SUSD6: variants seen among roughly 807,000 people sequenced by gnomAD.
SUSD6 encodes sushi domain-containing protein 6.
A neutral mutation model predicts 28.4 loss-of-function variants in SUSD6; 16 were observed. The ratio of observed to expected loss-of-function variants is 0.56; its 90% CI spans 0.38 to 0.86. The LOEUF (loss-of-function observed/expected upper bound fraction) is 0.86. SUSD6 is among the 40% of genes least tolerant of loss of function. The pLI is 0.00. For missense variants in SUSD6, 341 were observed against 384.2 expected (o/e 0.89, Z 0.94); for synonymous variants, 147 against 159.6 (o/e 0.92, Z 0.59).
At chr14:69,636,279 G>A (rs919853130) in intron 1 of SUSD6, among the ~76,000 whole-genome samples, 1 of 152,230 alleles carries the variant, frequency 6.6e-6, no homozygotes, top group Non-Finnish European at 1.5e-5. Context: ...GGAGGTGACA[G>A]TAAGGGCAGC....
At chr14:69,625,996 C>G (rs748508677) in intron 1 of SUSD6, among the ~76,000 whole-genome samples, 1 of 152,180 alleles carries the variant, frequency 6.6e-6, no homozygotes, top group Non-Finnish European at 1.5e-5. Context: ...GTTCCACCTG[C>G]TCCCAGAACA....
chr14:69,635,064 T>C (rs899856421), intron 1 of SUSD6, among the ~76,000 whole-genome samples: 1 of 152,188 alleles, frequency 6.6e-6, no homozygotes, highest in African/African-American at 2.4e-5. Context: ...ATGATGATGA[T>C]GACGACGATG....
chr14:69,696,604 G>A (rs1376843477), intron 2 of SUSD6, among the ~76,000 whole-genome samples: 1 of 152,146 alleles, frequency 6.6e-6, no homozygotes, highest in Admixed American at 6.5e-5. Context: ...CACATCTTCA[G>A]CCTCACATTT....
intron 2 of SUSD6, among the ~76,000 whole-genome samples, chr14:69,696,404 C>A (rs1886226207): frequency 6.6e-6 from 1 of 152,242 alleles, no homozygotes; most frequent in Admixed American, 6.5e-5. Context: ...CAGAACTATA[C>A]ATTTAAACAC....
At chr14:69,700,808 C>T (rs1886302935) in intron 2 of SUSD6, among the ~76,000 whole-genome samples, 1 of 152,202 alleles carries the variant, frequency 6.6e-6, no homozygotes, top group Admixed American at 6.5e-5. Flanking sequence ...TGCAGTGACT[C>T]TGGAAAGAGG....
intron 1 of SUSD6, chr14:69,617,574 G>T (rs1314925968): frequency 1.3e-5 from 2 of 152,196 alleles, no homozygotes; most frequent in African/African-American, 4.8e-5. Context: ...GTTGACAGAC[G>T]CGATAGTGCC....
At chr14:69,640,872 C>T (rs762651307) in intron 1 of SUSD6, among the ~76,000 whole-genome samples, 2 of 152,192 alleles carry the variant, frequency 1.3e-5, no homozygotes, top group Non-Finnish European at 1.5e-5. Context: ...CAGTCTGTAA[C>T]GTTCTGAGGA....
At chr14:69,680,050 A>G (rs578078297) in intron 2 of SUSD6, among the ~76,000 whole-genome samples, 64 of 152,268 alleles carry the variant, frequency 4.2e-4, no homozygotes, top group African/African-American at 1.1e-3. Context: ...CTTTTGTTCA[A>G]GAGAGCCTCC....
At chr14:69,702,892 AT>A (rs1387165697) in intron 2 of SUSD6, among the ~76,000 whole-genome samples, 4 of 152,206 alleles carry the variant, frequency 2.6e-5, no homozygotes, top group Non-Finnish European at 5.9e-5. Context: ...AGAATGGAAG[AT>A]GCACAGGGGG....
At chr14:69,702,784 G>T (rs576928332) in intron 2 of SUSD6, among the ~76,000 whole-genome samples, 1 of 152,324 alleles carries the variant, frequency 6.6e-6, no homozygotes, top group Admixed American at 6.5e-5. Flanking sequence ...GGCGGGAGGT[G>T]AAGGTGCTTT....
intron 1 of SUSD6, among the ~76,000 whole-genome samples, chr14:69,625,340 G>A (rs1885098778): frequency 6.6e-6 from 1 of 152,228 alleles, no homozygotes; most frequent in Admixed American, 6.5e-5. Flanking sequence ...TTGAAGAGAG[G>A]AGGCAGTGAG....
intron 2 of SUSD6, among the ~76,000 whole-genome samples, chr14:69,670,777 G>A (rs370973493): frequency 3.9e-5 from 6 of 152,216 alleles, no homozygotes; most frequent in South Asian, 4.1e-4. Flanking sequence ...GGTACAGCCC[G>A]CTGTTGCGGG....
chr14:69,645,395 A>G (rs569948310), intron 1 of SUSD6, among the ~76,000 whole-genome samples: 58 of 152,312 alleles, frequency 3.8e-4, no homozygotes, highest in African/African-American at 1.3e-3. Context: ...TTTTCCATTC[A>G]TGAATCCTAT....
At chr14:69,707,907 G>T (rs1026489866) in intron 4 of SUSD6, among the ~76,000 whole-genome samples, 6 of 152,186 alleles carry the variant, frequency 3.9e-5, no homozygotes, top group Non-Finnish European at 8.8e-5. Context: ...GAGGCAATGG[G>T]AGTGATTTTG....
intron 1 of SUSD6, among the ~76,000 whole-genome samples, chr14:69,632,102 T>C (rs1049514807): frequency 6.6e-6 from 1 of 152,232 alleles, no homozygotes; most frequent in Non-Finnish European, 1.5e-5. Flanking sequence ...TTTCCCCTAG[T>C]AGCTTGTTTT....
chr14:69,657,901 TC>T (rs1474189060), intron 1 of SUSD6, among the ~76,000 whole-genome samples: 4 of 152,212 alleles, frequency 2.6e-5, no homozygotes, highest in East Asian at 1.9e-4. Flanking sequence ...TCTCCATGCC[TC>T]CCCCCGTCTC....
intron 1 of SUSD6, among the ~76,000 whole-genome samples, chr14:69,651,935 A>G (rs751846716): frequency 4.6e-5 from 7 of 152,192 alleles, no homozygotes; most frequent in Non-Finnish European, 8.8e-5. Flanking sequence ...ACAACCTGAA[A>G]TGTAATTAGC....
intron 1 of SUSD6, among the ~76,000 whole-genome samples, chr14:69,646,254 C>T (rs577336413): frequency 1.2e-4 from 19 of 152,300 alleles, no homozygotes; most frequent in Middle Eastern, 3.4e-3. Flanking sequence ...CTGTGTTGCA[C>T]ATGCCCCTGG....
chr14:69,696,396 G>T (rs1001780168), intron 2 of SUSD6, among the ~76,000 whole-genome samples: 1 of 152,192 alleles, frequency 6.6e-6, no homozygotes, highest in Non-Finnish European at 1.5e-5. Flanking sequence ...AAAACAAACA[G>T]AACTATACAT....
Sources: allele counts gnomAD v4.1 joint callset (sites outside exome capture counted in the v4.1 genomes callset), GRCh38; gene constraint gnomAD v4.1.1; transcripts MANE v1.5; gene names NCBI Gene and HGNC (gene_info 2026-07-23, HGNC 2026-07-21).